Variants in TGFBR1 observed in about 807,000 individuals in gnomAD.
TGFBR1 encodes TGF-beta receptor type-1.
In TGFBR1, 20 loss-of-function variants were observed where a neutral mutation model predicts 55.1. The ratio of observed to expected loss-of-function variants is 0.36; its 90% CI spans 0.26 to 0.53. The LOEUF is 0.53. TGFBR1 is among the 20% of genes least tolerant of loss of function. TGFBR1 has a pLI of 0.91. For synonymous variants in TGFBR1, 220 were observed against 214.8 expected (o/e 1.02, Z -0.21); for missense variants, 385 against 617.6 (o/e 0.62, Z 3.99).
intron 2 of TGFBR1, among the ~76,000 whole-genome samples, chr9:99,129,972 T>C (rs1827170419): frequency 6.6e-6 from 1 of 152,176 alleles, no homozygotes; most frequent in South Asian, 2.1e-4. Context: ...ATAAACTTTT[T>C]AATTTTAAGA....
Position 99,146,477 on chromosome 9 carries a change from T to C in TGFBR1, c.1131-8T>C, listed in dbSNP as rs1827799094. 1 of 1,613,878 alleles carries C rather than the reference T, an allele frequency of 6.2e-7. No individual in the cohort carries two copies. Among genetic ancestry groups the C allele is most frequent in the Non-Finnish European group, 8.5e-7 (1 of 1,179,804 alleles). On this transcript the variant is annotated splice_polypyrimidine_tract_variant and splice_region_variant and intron_variant, in intron 6 of 8. Transcript: ENST00000374994. ...ATTTTCAAAGTTCTTTTTGCAAATTTTTTTTAGGTACATGGCCCCTGAAGT... is the reference window on the plus strand; with the variant it reads ...ATTTTCAAAGTTCTTTTTGCAAATTCTTTTTAGGTACATGGCCCCTGAAGT...
chr9:99,139,811 T>C (rs1253173663), intron 4 of TGFBR1, among the ~76,000 whole-genome samples: 1 of 152,220 alleles, frequency 6.6e-6, no homozygotes, highest in African/African-American at 2.4e-5. Context: ...GTCTTAAAAT[T>C]TAGGTCCCCC....
chr9:99,113,858 A>G (rs977579330), intron 1 of TGFBR1, among the ~76,000 whole-genome samples: 1 of 152,210 alleles, frequency 6.6e-6, no homozygotes, highest in Non-Finnish European at 1.5e-5. Context: ...GTAAGGTAGT[A>G]TGTTCCCTGT....
intron 3 of TGFBR1, among the ~76,000 whole-genome samples, chr9:99,136,434 T>G (rs1827441114): frequency 6.6e-6 from 1 of 152,236 alleles, no homozygotes; most frequent in Non-Finnish European, 1.5e-5. Context: ...AATTAACTCT[T>G]AAGTGTACTT....
intron 1 of TGFBR1, among the ~76,000 whole-genome samples, chr9:99,108,392 A>G (rs1826475564): frequency 6.6e-6 from 1 of 152,248 alleles, no homozygotes; most frequent in Admixed American, 6.5e-5. Context: ...ACTGATGTTC[A>G]ATAAGCAGTT....
intron 2 of TGFBR1, 104 bp from the exon 3 acceptor site, chr9:99,132,405 C>T: frequency 1.3e-6 from 2 of 1,551,750 alleles, no homozygotes; most frequent in South Asian, 2.3e-5. Context: ...TAAGTGGTGG[C>T]AGTGGCCAGC....
chr9:99,145,054 C>T (rs905073832), intron 6 of TGFBR1, among the ~76,000 whole-genome samples, 166 bp downstream of exon 6: 4 of 152,146 alleles, frequency 2.6e-5, no homozygotes, highest in Non-Finnish European at 4.4e-5. Context: ...CCAGAGTTAC[C>T]TGACTTAAAA....
Position 99,138,072 on chromosome 9 carries a change from T to C in TGFBR1, c.788T>C (p.Ile263Thr). Residue 263 changes from isoleucine (I) to threonine (T), a missense_variant, in exon 4 of 9, where the codon ATA becomes ACA. By Grantham distance (89) the Ile-to-Thr change is moderately conservative. Around this residue, in one of 5 missense-constraint regions of TGFBR1, gnomAD observed 85 missense variants for 228.4 expected, o/e 0.37. Transcript: ENST00000374994. ...CGTCATGAAAACATCCTGGGATTTATAGCAGCAGACAATAAAGGTCTGTAA... is the reference window on the plus strand; with the variant it reads ...CGTCATGAAAACATCCTGGGATTTACAGCAGCAGACAATAAAGGTCTGTAA... ...MLRHENILGF[I>T]AADNKDNGTW... 1.2e-6 allele frequency: 2 copies of C among 1,613,986 alleles called. No individual in the cohort carries two copies. Among genetic ancestry groups the C allele is most frequent in the Non-Finnish European group, 1.7e-6 (2 of 1,179,876 alleles).
intron 1 of TGFBR1, among the ~76,000 whole-genome samples, chr9:99,114,162 A>G (rs1474892169): frequency 6.6e-6 from 1 of 152,248 alleles, no homozygotes; most frequent in Non-Finnish European, 1.5e-5. Context: ...TCATTTTCCA[A>G]AAAAGGATTT....
At chr9:99,143,309 A>G (rs1291886956) in intron 5 of TGFBR1, among the ~76,000 whole-genome samples, 1 of 152,200 alleles carries the variant, frequency 6.6e-6, no homozygotes, top group Non-Finnish European at 1.5e-5. Flanking sequence ...ATATATTTTT[A>G]TGTGTAGTAT....
intron 5 of TGFBR1, among the ~76,000 whole-genome samples, chr9:99,143,250 A>G (rs1827683647): frequency 6.6e-6 from 1 of 152,198 alleles, no homozygotes; most frequent in Non-Finnish European, 1.5e-5. Flanking sequence ...AGTAGCATTC[A>G]ATCTTATGAT....
chr9:99,139,107 T>A (rs1827532244), intron 4 of TGFBR1, among the ~76,000 whole-genome samples: 1 of 152,042 alleles, frequency 6.6e-6, no homozygotes, highest in Non-Finnish European at 1.5e-5. Flanking sequence ...CCACGATTCC[T>A]ATTTTTACTG....
At chr9:99,133,001 G>A (rs1167647820) in intron 3 of TGFBR1, among the ~76,000 whole-genome samples, 1 of 152,160 alleles carries the variant, frequency 6.6e-6, no homozygotes, top group African/African-American at 2.4e-5. Flanking sequence ...GTTCTCACTT[G>A]TATAATCTAA....
intron 7 of TGFBR1, 152 bp downstream of exon 7, chr9:99,146,761 T>G: frequency 8.5e-7 from 1 of 1,170,160 alleles, no homozygotes; most frequent in South Asian, 1.2e-5. Flanking sequence ...ATGAAACCTT[T>G]GGGAGGGGAC....
chr9:99,144,687 T>C (rs1456642034), intron 5 of TGFBR1, 45 bp from the exon 6 acceptor site: 2 of 1,610,830 alleles, frequency 1.2e-6, no homozygotes, highest in Non-Finnish European at 1.7e-6. Flanking sequence ...GAGTTGTGAT[T>C]GGTATTACCT....
intron 3 of TGFBR1, among the ~76,000 whole-genome samples, chr9:99,134,802 TTATATA>T (rs10625219): frequency 0.036 from 1,470 of 40,852 alleles, 27 homozygotes; most frequent in African/African-American, 0.041. Context: ...TCTGTTTCCA[TTATATA>T]TATATATATA....
chr9:99,106,040 A>G lies in TGFBR1; in HGVS notation c.97+738A>G, dbSNP rs371626484. ...GTCTGGGGAGTGTTGAAGTGAGTCC[A>G]GTAACCAGACGGCTACGGATTGTTT... On this transcript the variant is annotated intron_variant, in intron 1 of 8. Coordinates refer to ENST00000374994, the MANE Select transcript of TGFBR1 (RefSeq NM_004612.4). Among the ~76,000 whole-genome samples the G allele has an allele frequency of 9.2e-5, 14 of 152,380 alleles. No individual in the cohort carries two copies. The East Asian group carries it at 1.9e-3, about 21-fold the overall frequency.
chr9:99,145,006 A>G (rs539163562), intron 6 of TGFBR1, 118 bp downstream of exon 6: 27 of 1,173,020 alleles, frequency 2.3e-5, no homozygotes, highest in East Asian at 1.8e-4. Flanking sequence ...TAGATTGCCA[A>G]CAGGTAAGAA....
intron 6 of TGFBR1, chr9:99,146,061 T>G (rs911732450): frequency 3.7e-6 from 1 of 268,032 alleles, no homozygotes. Context: ...TTTTTGAAGC[T>G]TCAGTATGAG....
Sources: gnomAD v4.1 joint callset for allele counts (sites outside exome capture counted in the v4.1 genomes callset) on GRCh38, gnomAD v4.1.1 for gene constraint, gnomAD v4.1.1 regional missense constraint, MANE v1.5 for transcripts, NCBI Gene and HGNC (gene_info 2026-07-23, HGNC 2026-07-21) for gene names.